PEAK1: variants seen among roughly 807,000 people sequenced by gnomAD.
PEAK1 encodes the protein inactive tyrosine-protein kinase PEAK1.
A neutral mutation model predicts 124.7 loss-of-function variants in PEAK1; 54 were observed. The observed-to-expected ratio is 0.43, with a 90% confidence interval of 0.35 to 0.54. The LOEUF (loss-of-function observed/expected upper bound fraction) is 0.54, where lower values mean the gene tolerates loss of function less well. Among genes scored for constraint, PEAK1 ranks in the 20% least tolerant of loss-of-function variants. The probability of loss-of-function intolerance (pLI) is 0.01; values close to 1 mark genes in which losing one functional copy is unlikely to be tolerated. For missense variants in PEAK1, 2,046 were observed against 2,134.5 expected (o/e 0.96, Z 0.82); for synonymous variants, 719 against 760.0 (o/e 0.95, Z 0.89).
At position 77,173,246 on chromosome 15, in the gene PEAK1, G is replaced by A. The variant is rs1480332287; in HGVS notation, c.3137+5544C>T. Among the ~76,000 whole-genome samples the A allele has an allele frequency of 7.9e-5, 12 of 152,050 alleles. No homozygotes were observed. In the South Asian group the frequency reaches 1.7e-3, roughly 21 times the overall value. On this transcript the variant is annotated intron_variant, in intron 7 of 9. Coordinates refer to ENST00000682557, the MANE Select transcript of PEAK1 (RefSeq NM_001385026.1). ...GTCTTTGTATTATAAAAATAGTAAC[G>A]TTGGCATGATCACTAATTGACCTTA...
chr15:77,306,984 T>C (rs1427513412), intron 2 of PEAK1, among the ~76,000 whole-genome samples: 1 of 152,184 alleles, frequency 6.6e-6, no homozygotes, highest in Non-Finnish European at 1.5e-5. Context: ...AGGTTCCATA[T>C]GTTTTACCTA....
At chr15:77,201,284 C>G (rs1029151894) in intron 6 of PEAK1, among the ~76,000 whole-genome samples, 13 of 127,678 alleles carry the variant, frequency 1.0e-4, no homozygotes. Context: ...GTCACCCAGG[C>G]TGGAGTGCAG....
At chr15:77,377,659 G>A (rs1189382149) in intron 1 of PEAK1, among the ~76,000 whole-genome samples, 1 of 151,958 alleles carries the variant, frequency 6.6e-6, no homozygotes, top group Non-Finnish European at 1.5e-5. Flanking sequence ...TAGTAGAGAT[G>A]GGGTTTTACC....
Position 77,109,188 on chromosome 15 carries a change from C to T in PEAK1, c.*4968G>A, listed in dbSNP as rs541082030. The stretch of plus-strand genomic sequence containing the variant: ...ACCATATCTCTTTAAAAAAATCTTC[C>T]GCTCTCAGTATTATATGATGTTCTC... On this transcript the variant is annotated 3_prime_UTR_variant, in exon 10 of 10. Coordinates refer to ENST00000682557, the MANE Select transcript of PEAK1 (RefSeq NM_001385026.1). 4 of 152,168 alleles carry T rather than the reference C, an allele frequency of 2.6e-5. No individual in the cohort carries two copies. The highest frequency in any genetic ancestry group is 2.1e-4 in the South Asian group (1 of 4,808). 9.4% of individuals were successfully genotyped at this position (152,168 alleles called of 1,614,324 possible). A position where few individuals can be genotyped will look rare whatever the true frequency, so the allele number is the denominator to read the frequency against.
At chr15:77,372,163 T>G (rs948707750) in intron 1 of PEAK1, among the ~76,000 whole-genome samples, 1 of 152,210 alleles carries the variant, frequency 6.6e-6, no homozygotes, top group Non-Finnish European at 1.5e-5. Context: ...ATTACACAAG[T>G]ATAAGAAGAT....
chr15:77,199,081 T>C (rs2058240369), intron 6 of PEAK1, among the ~76,000 whole-genome samples: 1 of 152,212 alleles, frequency 6.6e-6, no homozygotes, highest in Admixed American at 6.5e-5. Context: ...AGATTTATGA[T>C]TGGGACTATC....
At chr15:77,403,440 T>A in intron 1 of PEAK1, 2 of 924,728 alleles carry the variant, frequency 2.2e-6, no homozygotes. Flanking sequence ...ATATTGATTG[T>A]AAGGGTAAAT....
chr15:77,152,410 G>A (rs1352904147), intron 8 of PEAK1, among the ~76,000 whole-genome samples: 1 of 151,948 alleles, frequency 6.6e-6, no homozygotes, highest in African/African-American at 2.4e-5. Flanking sequence ...GGGTTTTCTA[G>A]ATATACAATC....
chr15:77,373,242 C>G (rs755705854), intron 1 of PEAK1, among the ~76,000 whole-genome samples: 2 of 152,116 alleles, frequency 1.3e-5, no homozygotes, highest in Non-Finnish European at 2.9e-5. Flanking sequence ...TTCCCCTTTG[C>G]TTGTTTAGAA....
chr15:77,255,729 A>T (rs117489908), intron 5 of PEAK1, among the ~76,000 whole-genome samples: 2,543 of 152,260 alleles, frequency 0.017, 35 homozygotes, highest in Middle Eastern at 0.027. Flanking sequence ...AATGCATAAT[A>T]ATTCTTCTAA....
intron 1 of PEAK1, among the ~76,000 whole-genome samples, chr15:77,376,379 T>C (rs959437850): frequency 6.6e-6 from 1 of 151,954 alleles, no homozygotes; most frequent in African/African-American, 2.4e-5. Context: ...TCCCAGGAAG[T>C]TGGTTAAGGG....
At chr15:77,107,029 A>G (rs11853287), downstream of PEAK1, 98,857 of 152,156 alleles carry the variant, frequency 0.65, 33,031 homozygotes, top group Non-Finnish European at 0.75. Flanking sequence ...GGAGTCCTGC[A>G]TTAGTGAGAC....
chr15:77,401,945 T>C (rs1314823811), intron 1 of PEAK1: 1 of 976,986 alleles, frequency 1.0e-6, no homozygotes, highest in Non-Finnish European at 1.2e-6. Flanking sequence ...ACACCTGTAA[T>C]CCCAGCACTT....
chr15:77,226,381 G>C (rs2059677798), intron 6 of PEAK1, among the ~76,000 whole-genome samples: 1 of 151,682 alleles, frequency 6.6e-6, no homozygotes. Flanking sequence ...ATGTTTCACT[G>C]ACAAAAATCC....
At chr15:77,418,576 G>C (rs2073079839) in intron 1 of PEAK1, 1 of 984,634 alleles carries the variant, frequency 1.0e-6, no homozygotes, top group African/African-American at 1.7e-5. Flanking sequence ...TACCATATCT[G>C]CCATTACAGT....
chr15:77,185,192 A>G (rs1165545013), intron 6 of PEAK1, among the ~76,000 whole-genome samples: 3 of 152,202 alleles, frequency 2.0e-5, no homozygotes, highest in African/African-American at 7.2e-5. Context: ...AGATGACAAC[A>G]TTGGAGGAGG....
chr15:77,338,354 C>T (rs2066323590), intron 2 of PEAK1, among the ~76,000 whole-genome samples: 1 of 152,096 alleles, frequency 6.6e-6, no homozygotes, highest in African/African-American at 2.4e-5. Context: ...GGAAGCTATG[C>T]CTTTACCTCC....
At chr15:77,385,732 C>A (rs976080979) in intron 1 of PEAK1, among the ~76,000 whole-genome samples, 17 of 152,162 alleles carry the variant, frequency 1.1e-4, no homozygotes, top group African/African-American at 4.1e-4. Context: ...AGGCACATTT[C>A]TAAAGAAGAG....
At chr15:77,347,270 G>A (rs147209392) in intron 2 of PEAK1, 13 of 984,856 alleles carry the variant, frequency 1.3e-5, no homozygotes, top group African/African-American at 3.5e-5. Flanking sequence ...TATGACCCAC[G>A]AACTATTCAT....
Sources: gnomAD v4.1 joint callset for allele counts (sites outside exome capture counted in the v4.1 genomes callset) on GRCh38, gnomAD v4.1.1 for gene constraint, MANE v1.5 for transcripts, NCBI Gene and HGNC (gene_info 2026-07-23, HGNC 2026-07-21) for gene names.